Variants in ZNF121 observed in about 807,000 individuals in gnomAD.
The protein encoded by ZNF121 is zinc finger protein 121, also known as zinc finger protein 121 (clone ZHC32).
In ZNF121, 1 loss-of-function variant was observed where a neutral mutation model predicts 2.4. The observed-to-expected ratio is 0.41, with a 90% CI of 0.15 to 1.94. The LOEUF is 1.94. ZNF121 is among the 30% of genes most tolerant of loss of function. ZNF121 has a pLI of 0.30. For synonymous variants in ZNF121, 173 were observed against 158.6 expected (o/e 1.09, Z -0.68); for missense variants, 369 against 466.3 (o/e 0.79, Z 1.92).
intron 1 of ZNF121, among the ~76,000 whole-genome samples, chr19:9,575,227 G>A (rs537486513): frequency 3.9e-5 from 6 of 152,194 alleles, no homozygotes; most frequent in African/African-American, 7.2e-5. Flanking sequence ...AGAGACCAGC[G>A]TGGTCAACAT....
rs1275842513 is a variant in ZNF121, at chr19:9,560,850, C to T, written c.*5090G>A. On this transcript the variant is annotated 3_prime_UTR_variant, in exon 4 of 4. Coordinates refer to ENST00000320451, the MANE Select transcript of ZNF121 (RefSeq NM_001008727.5). ...ACATGTACCTAGAAGTGGATTGCTG[C>T]TGACCAAGTAAGTTTTAAACCTAGT... 1 of 152,222 alleles carries T rather than the reference C, an allele frequency of 6.6e-6. No homozygotes were observed. The highest frequency in any genetic ancestry group is 1.5e-5 in the Non-Finnish European group (1 of 68,042). The allele number at this position is 152,222 out of a possible 1,614,324, so 9.4% of individuals were successfully genotyped here.
In ZNF121 at chr19:9,565,150, A is replaced by G. The variant is rs996967851; in HGVS notation, c.*790T>C. ...GTGGTAGTCTGGAACAAAACTCACA[A>G]TATCTACAGGGCATGCCTGTATCTT... is the stretch of plus-strand genomic sequence containing the variant. On this transcript the variant is annotated 3_prime_UTR_variant, in exon 4 of 4. Transcript: ENST00000320451. 4 of 151,894 alleles carry G rather than the reference A, an allele frequency of 2.6e-5. No individual in the cohort carries two copies. Among genetic ancestry groups the G allele is most frequent in the South Asian group, 2.1e-4 (1 of 4,806 alleles). 9.4% of individuals were successfully genotyped at this position (151,894 alleles called of 1,614,324 possible).
At chr19:9,578,209 A>T (rs1261272647) in intron 1 of ZNF121, among the ~76,000 whole-genome samples, 3 of 151,968 alleles carry the variant, frequency 2.0e-5, no homozygotes, top group African/African-American at 7.3e-5. Flanking sequence ...ACTGCATTCC[A>T]GCCTGAGTGA....
In ZNF121 at chr19:9,570,639, T is replaced by C. The variant is rs1475566192; in HGVS notation, c.-159-1557A>G. 2.0e-5 allele frequency among the ~76,000 whole-genome samples: 3 copies of C among 152,120 alleles called. No individual in the cohort carries two copies. The East Asian group carries it at 5.8e-4, about 29-fold the overall frequency. ...TGGAGTGCAATGACGCAGTCTAGGC[T>C]CACTGCAACCTCCGCCTCCTGGGTT... On this transcript the variant is annotated intron_variant, in intron 1 of 3. Coordinates refer to ENST00000320451, the MANE Select transcript of ZNF121 (RefSeq NM_001008727.5).
At chr19:9,571,073 T>C (rs548198972) in intron 1 of ZNF121, among the ~76,000 whole-genome samples, 1 of 152,248 alleles carries the variant, frequency 6.6e-6, no homozygotes, top group Non-Finnish European at 1.5e-5. Context: ...AGAAATGAAA[T>C]AGATAAGCAG....
rs71185609 is a variant in ZNF121, at chr19:9,565,353, C to CAAAAAAAAAAAAAAAAAAAAAAAAAAA, written c.*560_*586dup. The CAAAAAAAAAAAAAAAAAAAAAAAAAAA allele has an allele frequency of 1.0e-4, 3 of 29,814 alleles. 1 individual carries two copies. Among genetic ancestry groups the CAAAAAAAAAAAAAAAAAAAAAAAAAAA allele is most frequent in the South Asian group, 3.9e-3 (2 of 508 alleles). 1.8% of individuals were successfully genotyped at this position (29,814 alleles called of 1,614,324 possible). A position where few individuals can be genotyped will look rare whatever the true frequency, so the allele number is the denominator to read the frequency against. On this transcript the variant is annotated 3_prime_UTR_variant, in exon 4 of 4. Transcript: ENST00000320451. ...AAGAATGTGTATTAACAACGACTTA[C>CAAAAAAAAAAAAAAAAAAAAAAAAAAA]AAAAAAAAAAAAAAAAAAAAAAAAA...
At chr19:9,569,159 A>G (rs1345150854) in intron 1 of ZNF121, 77 bp from the exon 2 acceptor site, 1 of 152,434 alleles carries the variant, frequency 6.6e-6, no homozygotes, top group Non-Finnish European at 1.5e-5. Context: ...AAAAACAACT[A>G]TATTCCTAAA....
intron 1 of ZNF121, among the ~76,000 whole-genome samples, chr19:9,575,354 C>T (rs969048530): frequency 1.3e-5 from 2 of 151,908 alleles, no homozygotes; most frequent in African/African-American, 4.8e-5. Flanking sequence ...ACCCAGGAAG[C>T]GGAGGTTGCA....
intron 1 of ZNF121, among the ~76,000 whole-genome samples, chr19:9,578,713 AC>A (rs1478076718): frequency 6.6e-6 from 1 of 152,168 alleles, no homozygotes; most frequent in Non-Finnish European, 1.5e-5. Flanking sequence ...GACATCTAAC[AC>A]CTGAAACTAT....
intron 2 of ZNF121, 142 bp from the exon 3 acceptor site, chr19:9,568,317 T>C: frequency 2.3e-6 from 1 of 428,286 alleles, no homozygotes; most frequent in East Asian, 3.4e-5. Context: ...ATTTGAACAG[T>C]TTATCCATGA....
intron 1 of ZNF121, among the ~76,000 whole-genome samples, chr19:9,579,155 AG>A (rs1412851194): frequency 6.6e-6 from 1 of 152,222 alleles, no homozygotes; most frequent in African/African-American, 2.4e-5. Flanking sequence ...CTCACCTCAT[AG>A]GGTGGCTTTT....
intron 1 of ZNF121, among the ~76,000 whole-genome samples, chr19:9,580,984 C>T (rs2074244713): frequency 6.6e-6 from 1 of 152,214 alleles, no homozygotes; most frequent in African/African-American, 2.4e-5. Context: ...GCACGAAGTA[C>T]ATACTGTCAG....
Position 9,563,113 on chromosome 19 carries a change from G to C in ZNF121, c.*2827C>G, listed in dbSNP as rs916755046. 58 of 147,596 alleles carry C rather than the reference G, an allele frequency of 3.9e-4. No homozygotes were observed. The highest frequency in any genetic ancestry group is 1.4e-3 in the African/African-American group (56 of 40,208). 9.1% of individuals were successfully genotyped at this position (147,596 alleles called of 1,614,324 possible). ...AAATCTAGGCCTCTTGTGCCAGTTA[G>C]CCAAGTTGTGAATGTAAAGTTCTTG... On this transcript the variant is annotated 3_prime_UTR_variant, in exon 4 of 4. Transcript: ENST00000320451.
Position 9,569,072 on chromosome 19 carries a change from T to A in ZNF121, c.-149A>T, listed in dbSNP as rs1283865667. 6.5e-6 allele frequency: 1 copy of A among 153,138 alleles called. No homozygotes were observed. Among genetic ancestry groups the A allele is most frequent in the Non-Finnish European group, 1.5e-5 (1 of 68,082 alleles). The allele number at this position is 153,138 out of a possible 1,614,324, so 9.5% of individuals were successfully genotyped here. ...CCTCCAGTCAAGAGACAGACTGAGTTTGAATAGGTCCTGTACAGAGGGAAA... is the reference window on the plus strand; with the variant it reads ...CCTCCAGTCAAGAGACAGACTGAGTATGAATAGGTCCTGTACAGAGGGAAA... On this transcript the variant is annotated 5_prime_UTR_variant, in exon 2 of 4. Coordinates refer to ENST00000320451, the MANE Select transcript of ZNF121 (RefSeq NM_001008727.5).
chr19:9,569,886 G>C (rs1599736870), intron 1 of ZNF121, among the ~76,000 whole-genome samples: 2 of 134,824 alleles, frequency 1.5e-5, no homozygotes, highest in Admixed American at 1.5e-4. Context: ...CTCGAATATT[G>C]TGTCTTTTGT....
In ZNF121 at chr19:9,567,005, C is replaced by T. The variant is rs762483368; in HGVS notation, c.108G>A (p.Gly36=). The change falls in exon 4 of 4, where the codon GGG becomes GGA. Residue 36 remains glycine (G), a synonymous_variant. Transcript: ENST00000320451. ...LNAHMGTENT[G]DTYDCDEYGE... is the part of the protein sequence containing the mutation. ...CATACTCATCACAGTCATAAGTGTC[C>T]CCTGTATTTTCAGTTCCCATGTGTG... 6.8e-6 allele frequency: 11 copies of T among 1,613,948 alleles called. No homozygotes were observed. The African/African-American group carries it at 1.3e-4, about 20-fold the overall frequency.
intron 1 of ZNF121, among the ~76,000 whole-genome samples, chr19:9,577,738 A>G (rs1018850974): frequency 1.3e-5 from 2 of 152,036 alleles, no homozygotes; most frequent in Non-Finnish European, 2.9e-5. Flanking sequence ...AGCCAAAGAA[A>G]TACTGACCAA....
intron 1 of ZNF121, among the ~76,000 whole-genome samples, chr19:9,569,928 C>T (rs1423493599): frequency 1.4e-5 from 2 of 141,464 alleles, no homozygotes; most frequent in Admixed American, 7.1e-5. Flanking sequence ...AGTATTACAT[C>T]TCTCTCTCTC....
In ZNF121 at chr19:9,567,041, T is replaced by C; in HGVS notation, c.72A>G (p.Ser24=). ...CAGTTCCCATGTGTGCATTAAGGCA[T>C]GAGTGTTCACTGAAGATTTCTCCAT... is the stretch of plus-strand genomic sequence containing the variant. ...MENGEIFSEH[S]CLNAHMGTEN... The change falls in exon 4 of 4, where the codon TCA becomes TCG. Residue 24 remains serine (S), a synonymous_variant. Transcript: ENST00000320451. 1.2e-6 allele frequency: 2 copies of C among 1,614,146 alleles called. No homozygotes were observed. Among genetic ancestry groups the C allele is most frequent in the Non-Finnish European group, 1.7e-6 (2 of 1,180,032 alleles).
Sources: gnomAD v4.1 joint callset for allele counts (sites outside exome capture counted in the v4.1 genomes callset) on GRCh38, gnomAD v4.1.1 for gene constraint, MANE v1.5 for transcripts, NCBI Gene and HGNC (gene_info 2026-07-23, HGNC 2026-07-21) for gene names.